The following CNOT2 variants were observed in gnomAD, a reference collection of about 807,000 sequenced individuals.
CNOT2 encodes the protein CCR4-NOT transcription complex subunit 2, also known as CC chemokine receptor 4-negative regulator of transcription 2.
Under a neutral mutation model 72.1 loss-of-function variants are expected in CNOT2, and 7 were observed. The observed-to-expected ratio is 0.10, with a 90% confidence interval of 0.06 to 0.18. The LOEUF (loss-of-function observed/expected upper bound fraction) is 0.18. CNOT2 is among the 10% of genes least tolerant of loss of function. The pLI, the probability that CNOT2 is intolerant of heterozygous loss-of-function variation, is 1.00. For synonymous variants in CNOT2, 196 were observed against 225.6 expected, an observed-to-expected ratio of 0.87 and a Z score of 1.17; for missense variants, 345 against 660.3, an observed-to-expected ratio of 0.52 and a Z score of 5.23.
intron 3 of CNOT2, among the ~76,000 whole-genome samples, chr12:70,313,033 T>C (rs944062637): frequency 2.6e-5 from 4 of 152,050 alleles, no homozygotes; most frequent in Admixed American, 2.6e-4. Context: ...CAGTTTTTAC[T>C]GTAATCACCA....
chr12:70,266,926 A>G (rs1321618418), intron 1 of CNOT2, among the ~76,000 whole-genome samples: 3 of 152,022 alleles, frequency 2.0e-5, no homozygotes. Flanking sequence ...TTGGATTTAG[A>G]TAAACCCTTT....
chr12:70,302,207 C>G (rs1192265755), intron 2 of CNOT2, among the ~76,000 whole-genome samples: 3 of 151,792 alleles, frequency 2.0e-5, no homozygotes, highest in Admixed American at 2.0e-4. Context: ...TTTTGTGTCT[C>G]TATTTCCTTC....
At chr12:70,291,172 T>C (rs1441117843) in intron 2 of CNOT2, among the ~76,000 whole-genome samples, 2 of 152,194 alleles carry the variant, frequency 1.3e-5, no homozygotes, top group Non-Finnish European at 2.9e-5. Context: ...TGGTCATTCA[T>C]TTTCTCAGCT....
At chr12:70,263,481 C>T (rs1417318132) in intron 1 of CNOT2, among the ~76,000 whole-genome samples, 1 of 151,868 alleles carries the variant, frequency 6.6e-6, no homozygotes, top group Middle Eastern at 3.2e-3. Flanking sequence ...TGCTTTTGAG[C>T]CCCTCTTATT....
At chr12:70,323,615 G>T (rs1019341432) in intron 4 of CNOT2, 2 of 151,716 alleles carry the variant, frequency 1.3e-5, no homozygotes, top group East Asian at 1.9e-4. Context: ...TTAGCAGTGG[G>T]AATAACATCC....
At chr12:70,287,358 TTTCTA>T (rs1293504722) in intron 2 of CNOT2, among the ~76,000 whole-genome samples, 2 of 149,704 alleles carry the variant, frequency 1.3e-5, no homozygotes, top group Admixed American at 1.4e-4. Context: ...TTAATTTTGT[TTTCTA>T]TTCATCAGTG....
At chr12:70,247,345 A>G (rs1249571233) in intron 1 of CNOT2, among the ~76,000 whole-genome samples, 1 of 151,938 alleles carries the variant, frequency 6.6e-6, no homozygotes, top group Non-Finnish European at 1.5e-5. Context: ...CAGTAGAGAC[A>G]GGGTTTCACC....
intron 4 of CNOT2, among the ~76,000 whole-genome samples, chr12:70,326,410 GT>G (rs1879084085): frequency 6.7e-6 from 1 of 148,542 alleles, no homozygotes; most frequent in Non-Finnish European, 1.5e-5. Context: ...GCCTGTTTTA[GT>G]TTTTTTATGC....
At chr12:70,332,738 A>G (rs747939157) in intron 6 of CNOT2, 29 bp from the exon 7 acceptor site, 7 of 1,576,144 alleles carry the variant, frequency 4.4e-6, no homozygotes, top group Admixed American at 1.9e-5. Flanking sequence ...TTCTTACTGT[A>G]TATCTAAAAC....
intron 14 of CNOT2, chr12:70,345,326 T>C (rs1028866758): frequency 2.6e-5 from 4 of 152,178 alleles, no homozygotes; most frequent in African/African-American, 9.6e-5. Context: ...ATTTCACAAC[T>C]GAGAGGATTT....
chr12:70,319,003 T>A (rs1208226697), intron 3 of CNOT2: 2 of 210,834 alleles, frequency 9.5e-6, no homozygotes, highest in African/African-American at 4.6e-5. Context: ...TATATAATTT[T>A]ATTTTTTTAA....
chr12:70,308,600 A>ACT (rs1875904461), intron 2 of CNOT2, among the ~76,000 whole-genome samples: 2 of 150,574 alleles, frequency 1.3e-5, no homozygotes, highest in Non-Finnish European at 3.0e-5. Flanking sequence ...ACACACACAC[A>ACT]CACACACAGT....
intron 2 of CNOT2, among the ~76,000 whole-genome samples, chr12:70,309,259 A>G (rs1254445241): frequency 6.6e-6 from 1 of 152,178 alleles, no homozygotes. Flanking sequence ...ATAAATTGTT[A>G]GACCCTTAAA....
chr12:70,301,852 GA>G (rs778116299), intron 2 of CNOT2: 1 of 152,114 alleles, frequency 6.6e-6, no homozygotes, highest in Admixed American at 6.6e-5. Flanking sequence ...TCTGGTCCTG[GA>G]TTTTTTTGGT....
intron 14 of CNOT2, chr12:70,345,031 T>G (rs1881987602): frequency 6.6e-6 from 1 of 152,170 alleles, no homozygotes; most frequent in African/African-American, 2.4e-5. Context: ...AGAAATTGGT[T>G]CATTGATATT....
chr12:70,310,999 A>C lies in CNOT2; in HGVS notation c.153A>C (p.Pro51=). 2 of 1,600,450 alleles carry C rather than the reference A, an allele frequency of 1.2e-6. No homozygotes were observed. Among genetic ancestry groups the C allele is most frequent in the Non-Finnish European group, 1.7e-6 (2 of 1,168,126 alleles). The change falls in exon 3 of 16, where the codon CCA becomes CCC. Residue 51 remains proline (P), a synonymous_variant. Coordinates refer to ENST00000229195, the MANE Select transcript of CNOT2 (RefSeq NM_014515.7). The part of the protein sequence containing the change: ...NMYYSQSSMF[P]HRSEKDMLAS... ...ACTACAGCCAGTCTTCTATGTTTCC[A>C]CATCGGTCAGAAAAAGATGTAAGTT... is the stretch of plus-strand genomic sequence containing the variant.
chr12:70,326,584 G>A (rs1879113582), intron 4 of CNOT2, among the ~76,000 whole-genome samples: 1 of 151,014 alleles, frequency 6.6e-6, no homozygotes, highest in South Asian at 2.1e-4. Flanking sequence ...ATTCAGTTGT[G>A]TTAGTTTGAC....
intron 2 of CNOT2, among the ~76,000 whole-genome samples, chr12:70,284,576 CTT>C (rs34386691): frequency 0.03 from 2,868 of 94,886 alleles, 40 homozygotes; most frequent in African/African-American, 0.079. Context: ...AAAATTTGAC[CTT>C]TTTTTTTTTT....
intron 3 of CNOT2, chr12:70,318,912 A>G (rs1292634740): frequency 1.3e-5 from 2 of 153,358 alleles, no homozygotes; most frequent in Non-Finnish European, 2.9e-5. Context: ...ATCTACAAGG[A>G]AAAAAAAATG....
Sources: allele counts gnomAD v4.1 joint callset (sites outside exome capture counted in the v4.1 genomes callset), GRCh38; gene constraint gnomAD v4.1.1; transcripts MANE v1.5; gene names NCBI Gene and HGNC (gene_info 2026-07-23, HGNC 2026-07-21).